Variants in FBXL2 observed in about 807,000 individuals in gnomAD.
The protein encoded by FBXL2 is F-box and leucine rich repeat protein 2, also known as F-box/LRR-repeat protein 2.
A neutral mutation model predicts 69.2 loss-of-function variants in FBXL2; 38 were observed. The observed-to-expected ratio is 0.55, with a 90% CI of 0.42 to 0.72. The LOEUF (loss-of-function observed/expected upper bound fraction) is 0.72, where lower values mean the gene tolerates loss of function less well. FBXL2 is among the 30% of genes least tolerant of loss of function. The pLI, the probability that FBXL2 is intolerant of heterozygous loss-of-function variation, is 0.00. For missense variants in FBXL2, 354 were observed against 520.3 expected (o/e 0.68, Z 3.11); for synonymous variants, 192 against 201.3 (o/e 0.95, Z 0.39).
intron 2 of FBXL2, among the ~76,000 whole-genome samples, chr3:33,342,893 G>GTTTTT (rs60623868): frequency 7.5e-4 from 74 of 99,230 alleles, no homozygotes; most frequent in African/African-American, 1.4e-3. Flanking sequence ...ACGCCCAGCT[G>GTTTTT]TTTTTTTTTT....
At chr3:33,293,092 G>C (rs1449498809) in intron 1 of FBXL2, among the ~76,000 whole-genome samples, 1 of 152,178 alleles carries the variant, frequency 6.6e-6, no homozygotes. Context: ...CTGGCCTCAA[G>C]CAGTCCTCCC....
At chr3:33,411,118 G>A in the FBXL2 span, among the ~76,000 whole-genome samples, 5 of 151,490 alleles carry the variant, frequency 3.3e-5, no homozygotes, top group Admixed American at 2.0e-4. Flanking sequence ...AAAAGGGGGC[G>A]GAAACTACTA....
chr3:33,333,078 G>A (rs2039294329), intron 2 of FBXL2, among the ~76,000 whole-genome samples: 2 of 152,192 alleles, frequency 1.3e-5, no homozygotes, highest in Non-Finnish European at 2.9e-5. Flanking sequence ...ATTGCTGATT[G>A]TCAGGGGCTG....
chr3:33,393,508 T>C (rs1263954308), intron 12 of FBXL2: 1 of 1,552,142 alleles, frequency 6.4e-7, no homozygotes, highest in Admixed American at 2.0e-5. Context: ...TTTGATCTGT[T>C]TTCTGCCTGA....
At chr3:33,363,248 C>T (rs1440401538) in intron 4 of FBXL2, among the ~76,000 whole-genome samples, 1 of 152,114 alleles carries the variant, frequency 6.6e-6, no homozygotes, top group Non-Finnish European at 1.5e-5. Flanking sequence ...ACCATGTTGG[C>T]CAGGCTGGTC....
At chr3:33,393,475 A>G (rs780156046) in intron 12 of FBXL2, 1 of 1,582,590 alleles carries the variant, frequency 6.3e-7, no homozygotes, top group Admixed American at 1.8e-5. Context: ...AAAAAAAAAA[A>G]GAAAAGCATT....
At chr3:33,372,662 G>T in intron 5 of FBXL2, 1 of 194,940 alleles carries the variant, frequency 5.1e-6, no homozygotes, top group South Asian at 1.2e-4. Flanking sequence ...TGGTTTCTCT[G>T]GAAAGGCTCT....
At chr3:33,421,044 G>A in the FBXL2 span, among the ~76,000 whole-genome samples, 3 of 152,184 alleles carry the variant, frequency 2.0e-5, no homozygotes, top group African/African-American at 7.2e-5. Context: ...TCAGCAAGGG[G>A]GTAAGATCAG....
rs1231634832 is a variant in FBXL2, at chr3:33,385,860, C to A, written c.*252C>A. The A allele has an allele frequency of 4.0e-6, 2 of 503,992 alleles. No homozygotes were observed. Among genetic ancestry groups the A allele is most frequent in the African/African-American group, 3.9e-5 (2 of 51,584 alleles). 31.2% of individuals were successfully genotyped at this position (503,992 alleles called of 1,614,324 possible). A position where few individuals can be genotyped will look rare whatever the true frequency, so the allele number is the denominator to read the frequency against. ...TGGTCTCAATGCAGCTAGGACCATG[C>A]CAGAAACCTGGATCTCTTAAGAGAT... On this transcript the variant is annotated 3_prime_UTR_variant, in exon 15 of 15. Coordinates refer to ENST00000484457, the MANE Select transcript of FBXL2 (RefSeq NM_012157.5).
At chr3:33,314,297 G>A (rs886953480) in intron 2 of FBXL2, among the ~76,000 whole-genome samples, 13 of 152,256 alleles carry the variant, frequency 8.5e-5, no homozygotes, top group Admixed American at 1.3e-4. Context: ...CTGAAAGTTT[G>A]TACCGTTTGA....
the FBXL2 span, among the ~76,000 whole-genome samples, chr3:33,420,399 C>T: frequency 2.0e-5 from 3 of 152,078 alleles, no homozygotes; most frequent in Admixed American, 2.0e-4. Flanking sequence ...AATCTGGGCT[C>T]ACTGCAACCT....
chr3:33,357,285 A>G (rs1000278454), intron 2 of FBXL2, among the ~76,000 whole-genome samples: 4 of 152,180 alleles, frequency 2.6e-5, no homozygotes, highest in Admixed American at 1.3e-4. Flanking sequence ...CAATCCCTGC[A>G]TGAAATATGA....
chr3:33,290,926 A>G (rs930828407), intron 1 of FBXL2, among the ~76,000 whole-genome samples: 2 of 152,142 alleles, frequency 1.3e-5, no homozygotes, highest in Non-Finnish European at 2.9e-5. Flanking sequence ...GTCAGAGGAC[A>G]ATGAAATAAT....
intron 2 of FBXL2, among the ~76,000 whole-genome samples, chr3:33,331,315 A>G (rs2039143331): frequency 6.6e-6 from 1 of 152,144 alleles, no homozygotes; most frequent in Non-Finnish European, 1.5e-5. Flanking sequence ...TACCTGTAAC[A>G]TTCCAGTTAC....
chr3:33,396,334 T>A, intron 12 of FBXL2: 1 of 1,303,600 alleles, frequency 7.7e-7, no homozygotes, highest in Non-Finnish European at 1.1e-6. Flanking sequence ...GCCTTACACA[T>A]GTACAAATAT....
At chr3:33,354,477 C>A (rs1293165770) in intron 2 of FBXL2, among the ~76,000 whole-genome samples, 1 of 151,154 alleles carries the variant, frequency 6.6e-6, no homozygotes, top group Non-Finnish European at 1.5e-5. Context: ...CACGCCACTA[C>A]ACTCCAGCCT....
intron 2 of FBXL2, among the ~76,000 whole-genome samples, chr3:33,328,435 T>A (rs1300802813): frequency 6.6e-6 from 1 of 152,128 alleles, no homozygotes; most frequent in Admixed American, 6.5e-5. Flanking sequence ...TTACACTACC[T>A]GACTTCAAAA....
chr3:33,378,537 T>G, intron 12 of FBXL2, 148 bp from the exon 13 acceptor site: 1 of 717,192 alleles, frequency 1.4e-6, no homozygotes, highest in South Asian at 2.1e-5. Context: ...TTTAGAGTGC[T>G]GGTGAAGAGA....
At chr3:33,346,413 A>C (rs2040440372) in intron 2 of FBXL2, among the ~76,000 whole-genome samples, 2 of 150,172 alleles carry the variant, frequency 1.3e-5, no homozygotes, top group South Asian at 4.2e-4. Context: ...TCTATCAAGA[A>C]AAAAAAAAAT....
Sources: gnomAD v4.1 joint callset for allele counts (sites outside exome capture counted in the v4.1 genomes callset) on GRCh38, gnomAD v4.1.1 for gene constraint, MANE v1.5 for transcripts, NCBI Gene and HGNC (gene_info 2026-07-23, HGNC 2026-07-21) for gene names.